The following MEP1A variants were observed in gnomAD, a reference collection of about 807,000 sequenced individuals.
MEP1A encodes the protein N-benzoyl-L-tyrosyl-P-amino-benzoic acid hydrolase subunit alpha.
Under a neutral mutation model 84.5 loss-of-function variants are expected in MEP1A, and 68 were observed. The observed-to-expected ratio is 0.80, with a 90% CI of 0.66 to 0.98. The LOEUF (loss-of-function observed/expected upper bound fraction) is 0.98, where lower values mean the gene tolerates loss of function less well. Ranked by LOEUF, MEP1A falls within the 50% of genes least tolerant of loss-of-function variation. The pLI, the probability that MEP1A is intolerant of heterozygous loss-of-function variation, is 0.00. For missense variants in MEP1A, 887 were observed against 919.9 expected (o/e 0.96, Z 0.46); for synonymous variants, 337 against 336.8 (o/e 1.00, Z -0.01).
downstream of MEP1A, among the ~76,000 whole-genome samples, chr6:46,841,435 C>T (rs1768329508): frequency 6.6e-6 from 1 of 152,160 alleles, no homozygotes; most frequent in South Asian, 2.1e-4. Context: ...GGAGGACTAG[C>T]AGATACTTTA....
chr6:46,844,805 A>G, the MEP1A span, among the ~76,000 whole-genome samples: 1 of 152,100 alleles, frequency 6.6e-6, no homozygotes, highest in East Asian at 1.9e-4. Flanking sequence ...GATGGGTGAT[A>G]TGGTTTGTCT....
intron 9 of MEP1A, among the ~76,000 whole-genome samples, chr6:46,828,240 T>A (rs1437276529): frequency 6.6e-6 from 1 of 151,850 alleles, no homozygotes; most frequent in Non-Finnish European, 1.5e-5. Context: ...TGCGCTGTTT[T>A]TTTTTTTTTT....
rs9472887 is a variant in MEP1A at position 46,834,867 on chromosome 6, T to C, written c.1783+116T>C. The C allele has an allele frequency of 3.6e-3, 2,660 of 733,912 alleles. 53 individuals carry two copies. The African/African-American group carries it at 0.041, about 11-fold the overall frequency. The allele number at this position is 733,912 out of a possible 1,614,324, so 45.5% of individuals were successfully genotyped here. A position where few individuals can be genotyped will look rare whatever the true frequency, so the allele number is the denominator to read the frequency against. On this transcript the variant is annotated intron_variant, in intron 12 of 13. Transcript: ENST00000230588. Reference sequence around the variant, plus strand: ...GGGATGAGGTTAAAACAATGTGTTGTAGGAGAATCACATTTTATTCAATTG... The same window carrying C: ...GGGATGAGGTTAAAACAATGTGTTGCAGGAGAATCACATTTTATTCAATTG...
At position 46,835,261 on chromosome 6, in the gene MEP1A, T is replaced by A; in HGVS notation, c.1796T>A (p.Leu599His). The change falls in exon 13 of 14, where the codon CTC becomes CAC. Residue 599 changes from leucine (L) to histidine (H), a missense_variant. By Grantham distance (99) the Leu-to-His change is moderately conservative. Coordinates refer to ENST00000230588, the MANE Select transcript of MEP1A (RefSeq NM_005588.3). ...CTATTTCCTGAAGATATCACCCACC[T>A]CAGCCAGACTGAAGTTCCCACTAAA... is the stretch of plus-strand genomic sequence containing the variant. ...IFVDFEDITH[L>H]SQTEVPTKGK... 6.3e-7 allele frequency: 1 copy of A among 1,597,152 alleles called. No individual in the cohort carries two copies.
At chr6:46,807,573 G>GA (rs1476680475) in intron 5 of MEP1A, among the ~76,000 whole-genome samples, 276 of 26,138 alleles carry the variant, frequency 0.011, 11 homozygotes, top group African/African-American at 0.044. Flanking sequence ...AGAAAGGAAG[G>GA]AAGGAAGGAA....
In MEP1A at chr6:46,821,929, A is replaced by T. The variant is rs906947364; in HGVS notation, c.556+2225A>T. On this transcript the variant is annotated intron_variant, in intron 7 of 13. Coordinates refer to ENST00000230588, the MANE Select transcript of MEP1A (RefSeq NM_005588.3). ...ATTATCAACATAGGCAGTATTTTTTATCAGGGTAATTTGTGAGTTTTATTG... is the reference window on the plus strand; with the variant it reads ...ATTATCAACATAGGCAGTATTTTTTTTCAGGGTAATTTGTGAGTTTTATTG... Among the ~76,000 whole-genome samples, 8 of 152,212 alleles carry T rather than the reference A, an allele frequency of 5.3e-5. No homozygotes were observed. The South Asian group carries it at 1.7e-3, about 32-fold the overall frequency.
At chr6:46,831,918 C>A (rs1174067248) in intron 10 of MEP1A, among the ~76,000 whole-genome samples, 1 of 152,054 alleles carries the variant, frequency 6.6e-6, no homozygotes, top group Non-Finnish European at 1.5e-5. Context: ...TCCTGTGTTC[C>A]CATGTAACCT....
intron 12 of MEP1A, among the ~76,000 whole-genome samples, 198 bp from the exon 13 acceptor site, chr6:46,835,051 T>C (rs1008903384): frequency 2.6e-5 from 4 of 152,160 alleles, no homozygotes; most frequent in African/African-American, 9.7e-5. Flanking sequence ...GCAAATTCAA[T>C]AAATAAAAAT....
intron 13 of MEP1A, among the ~76,000 whole-genome samples, chr6:46,837,618 A>C (rs1338552311): frequency 6.6e-6 from 1 of 152,174 alleles, no homozygotes; most frequent in Non-Finnish European, 1.5e-5. Context: ...CATCCTTCCC[A>C]GGCTAAGGGA....
At chr6:46,818,336 C>G (rs1206781396) in intron 6 of MEP1A, among the ~76,000 whole-genome samples, 4 of 152,140 alleles carry the variant, frequency 2.6e-5, no homozygotes, top group Non-Finnish European at 5.9e-5. Flanking sequence ...TGTCAGTAGT[C>G]TTGGGGAGAA....
At chr6:46,812,683 CA>C (rs1270460825) in intron 6 of MEP1A, among the ~76,000 whole-genome samples, 1 of 151,846 alleles carries the variant, frequency 6.6e-6, no homozygotes, top group Non-Finnish European at 1.5e-5. Context: ...TCATTCAGTC[CA>C]AAATTTTTTT....
chr6:46,807,565 A>AAAGAAAGAAAGG (rs1562106650), intron 5 of MEP1A, among the ~76,000 whole-genome samples: 18 of 71,788 alleles, frequency 2.5e-4, no homozygotes, highest in East Asian at 1.1e-3. Context: ...AGAAAGAAAG[A>AAAGAAAGAAAGG]AAGGAAGGAA....
Position 46,793,590 on chromosome 6 carries a change from C to A in MEP1A, c.94+14C>A. On this transcript the variant is annotated intron_variant, in intron 2 of 13. Coordinates refer to ENST00000230588, the MANE Select transcript of MEP1A (RefSeq NM_005588.3). ...CTGAAGAAAATGGTAAGAATTAGTT[C>A]AAATGCACAGAGAGTGTTTTTGAAC... is the stretch of plus-strand genomic sequence containing the variant. 1 of 1,557,538 alleles carries A rather than the reference C, an allele frequency of 6.4e-7. No homozygotes were observed. Among genetic ancestry groups the A allele is most frequent in the South Asian group, 1.2e-5 (1 of 85,572 alleles).
chr6:46,833,587 C>T (rs534851577), intron 11 of MEP1A, 49 bp downstream of exon 11: 1 of 1,348,748 alleles, frequency 7.4e-7, no homozygotes, highest in Non-Finnish European at 1.1e-6. Context: ...CCAGAGAGGC[C>T]CACAGATGTG....
intron 5 of MEP1A, among the ~76,000 whole-genome samples, chr6:46,807,585 G>A (rs372276365): frequency 0.014 from 710 of 50,356 alleles, 7 homozygotes; most frequent in African/African-American, 0.024. Flanking sequence ...AGGAAGGAAG[G>A]AAGGAAGGAA....
At chr6:46,816,630 G>A (rs1165940122) in intron 6 of MEP1A, among the ~76,000 whole-genome samples, 1 of 151,840 alleles carries the variant, frequency 6.6e-6, no homozygotes. Flanking sequence ...GAGAGGGTGA[G>A]GAGAGAGCAA....
At chr6:46,843,521 T>C (rs938746573), downstream of MEP1A, among the ~76,000 whole-genome samples, 4 of 152,236 alleles carry the variant, frequency 2.6e-5, no homozygotes, top group Admixed American at 6.5e-5. Context: ...TAGCTTGCTA[T>C]AGAAATATTT....
intron 12 of MEP1A, 138 bp downstream of exon 12, chr6:46,834,889 A>C (rs1313350995): frequency 3.1e-6 from 2 of 653,788 alleles, no homozygotes; most frequent in Non-Finnish European, 5.1e-6. Flanking sequence ...ATTTTATTCA[A>C]TTGGTCAAGG....
Position 46,793,563 on chromosome 6 carries a change from T to C in MEP1A, c.81T>C (p.Leu27=), listed in dbSNP as rs1333243573. The change falls in exon 2 of 14, where the codon CTT becomes CTC. Residue 27 remains leucine, a synonymous_variant. Coordinates refer to ENST00000230588, the MANE Select transcript of MEP1A (RefSeq NM_005588.3). ...TTTATTTTTTTCAGATTAAGTATCT[T>C]CCTGAAGAAAATGGTAAGAATTAGT... ...AHIAAVPIKY[L]PEENVHDADF... The C allele has an allele frequency of 1.3e-6, 2 of 1,552,102 alleles. No homozygotes were observed. Among genetic ancestry groups the C allele is most frequent in the Non-Finnish European group, 1.8e-6 (2 of 1,136,262 alleles).
Sources: allele counts gnomAD v4.1 joint callset (sites outside exome capture counted in the v4.1 genomes callset), GRCh38; gene constraint gnomAD v4.1.1; transcripts MANE v1.5; gene names NCBI Gene and HGNC (gene_info 2026-07-23, HGNC 2026-07-21).